Variants in EVI2A observed in about 807,000 individuals in gnomAD.
The protein encoded by EVI2A is ecotropic viral integration site 2A.
In EVI2A, 11 loss-of-function variants were observed where a neutral mutation model predicts 13.0. The ratio of observed to expected loss-of-function variants is 0.85; its 90% confidence interval spans 0.53 to 1.40. The LOEUF is 1.40. Ranked by LOEUF, EVI2A falls within the 40% of genes most tolerant of loss-of-function variation. EVI2A has a pLI of 0.00. For missense variants in EVI2A, 267 were observed against 279.5 expected (o/e 0.96, Z 0.32); for synonymous variants, 89 against 98.0 (o/e 0.91, Z 0.54).
Position 31,318,246 on chromosome 17 carries a change from A to G in EVI2A, c.*57T>C. ...GAACAACACTTTGGGATTAAATACC[A>G]ACTGACTTCATTTTTACTCCATAAG... On this transcript the variant is annotated 3_prime_UTR_variant, in exon 2 of 2. Coordinates refer to ENST00000462804, the MANE Select transcript of EVI2A (RefSeq NM_014210.4). 6.5e-7 allele frequency: 1 copy of G among 1,536,276 alleles called. No individual in the cohort carries two copies. The highest frequency in any genetic ancestry group is 1.4e-5 in the African/African-American group (1 of 72,174).
chr17:31,316,674 T>A lies in EVI2A; in HGVS notation c.*1629A>T, dbSNP rs959404410. On this transcript the variant is annotated 3_prime_UTR_variant, in exon 2 of 2. Transcript: ENST00000462804. ...GCCCAGTTTCATTTCTAATCTGGGT[T>A]ATTTTTCCCCTCAAAAGATAACCTG... 6.6e-6 allele frequency among the ~76,000 whole-genome samples: 1 copy of A among 152,214 alleles called. No homozygotes were observed. Among genetic ancestry groups the A allele is most frequent in the Non-Finnish European group, 1.5e-5 (1 of 68,032 alleles).
In EVI2A at chr17:31,318,632, C is replaced by T. The variant is rs374262411; in HGVS notation, c.382G>A (p.Glu128Lys). The T allele has an allele frequency of 2.3e-5, 37 of 1,613,948 alleles. No homozygotes were observed. The highest frequency in any genetic ancestry group is 3.1e-5 in the Non-Finnish European group (37 of 1,179,994). Reference sequence around the variant, plus strand: ...AGCATAGCCATGTTGTTGTTGTTTTCCGCACAGACATCCTTTTTGAAAATT... The same window carrying T: ...AGCATAGCCATGTTGTTGTTGTTTTTCGCACAGACATCCTTTTTGAAAATT... ...GEIFKKDVCA[E>K]NNNNMAMLIC... Residue 128 changes from glutamate (E) to lysine (K), a missense_variant, in exon 2 of 2, where the codon GAA becomes AAA. Coordinates refer to ENST00000462804, the MANE Select transcript of EVI2A (RefSeq NM_014210.4).
At chr17:31,320,799 C>G (rs2069166651) in intron 1 of EVI2A, among the ~76,000 whole-genome samples, 1 of 152,150 alleles carries the variant, frequency 6.6e-6, no homozygotes, top group Non-Finnish European at 1.5e-5. Flanking sequence ...AAAAGAAATA[C>G]TTGAAATTGG....
chr17:31,320,547 T>C, intron 1 of EVI2A: 1 of 877,216 alleles, frequency 1.1e-6, no homozygotes, highest in Middle Eastern at 2.3e-4. Context: ...ATAAGAAATG[T>C]GATACGTTGA....
Position 31,318,948 on chromosome 17 carries a change from A to C in EVI2A, c.66T>G (p.Phe22Leu). The C allele has an allele frequency of 1.2e-6, 2 of 1,613,812 alleles. No individual in the cohort carries two copies. Among genetic ancestry groups the C allele is most frequent in the Non-Finnish European group, 1.7e-6 (2 of 1,179,934 alleles). Residue 22 changes from phenylalanine to leucine, a missense_variant, in exon 2 of 2, where the codon TTT becomes TTG. Coordinates refer to ENST00000462804, the MANE Select transcript of EVI2A (RefSeq NM_014210.4). ...TTGCTTTTGTTCCAGGAGACAAAGA[A>C]AAAACTGTTGTCATCAGAAAGGCAA... ...LHLAFLMTTV[F>L]SLSPGTKANY... is the part of the protein sequence containing the mutation.
chr17:31,318,707 T>C lies in EVI2A; in HGVS notation c.307A>G (p.Ser103Gly), dbSNP rs545291486. 3.2e-5 allele frequency: 52 copies of C among 1,614,176 alleles called. No homozygotes were observed. In the South Asian group the frequency reaches 5.7e-4, roughly 18 times the overall value. ...TCAATGCTCTGTACTGTTGAAGGAC[T>C]GTTGCTGACGACAGAAGGTATATAA... is the stretch of plus-strand genomic sequence containing the variant. Reference protein sequence around the residue: ...ELYIPSVVSNSPSTVQSIENT... With the variant: ...ELYIPSVVSNGPSTVQSIENT... The change falls in exon 2 of 2, where the codon AGT (serine) becomes GGT (glycine). Residue 103 changes from serine (S) to glycine (G), a missense_variant. Coordinates refer to ENST00000462804, the MANE Select transcript of EVI2A (RefSeq NM_014210.4).
In EVI2A at chr17:31,318,471, G is replaced by T. The variant is rs201100937; in HGVS notation, c.543C>A (p.Gly181=). The T allele has an allele frequency of 1.2e-6, 2 of 1,613,950 alleles. No homozygotes were observed. The highest frequency in any genetic ancestry group is 2.2e-5 in the East Asian group (1 of 44,862). The change falls in exon 2 of 2, where the codon GGC becomes GGA. Residue 181 remains glycine (G), a synonymous_variant. Coordinates refer to ENST00000462804, the MANE Select transcript of EVI2A (RefSeq NM_014210.4). ...GCCATAGACCGCTTGCCAGAAAATC[G>T]CCATTGCTTCTAGGCTGACGCTTGC... is the stretch of plus-strand genomic sequence containing the variant. ...QVGKRQPRSN[G]DFLASGLWPA...
At chr17:31,320,566 A>G (rs1467841414) in intron 1 of EVI2A, 23 of 692,558 alleles carry the variant, frequency 3.3e-5, no homozygotes, top group African/African-American at 5.4e-5. Context: ...GAGTTATGCA[A>G]ACAAAAGTAG....
In EVI2A at chr17:31,318,751, G is replaced by C; in HGVS notation, c.263C>G (p.Ser88Cys). 2 of 1,614,026 alleles carry C rather than the reference G, an allele frequency of 1.2e-6. No individual in the cohort carries two copies. Among genetic ancestry groups the C allele is most frequent in the Non-Finnish European group, 1.7e-6 (2 of 1,179,976 alleles). ...PETSHIVALT[S>C]KSEQELYIPS... ...TATATAAAGCTCCTGTTCAGATTTA[G>C]AAGTTAAAGCTACGATGTGAGATGT... The change falls in exon 2 of 2, where the codon TCT (serine) becomes TGT (cysteine). Residue 88 changes from serine (S) to cysteine (C), a missense_variant. By Grantham distance (112) the Ser-to-Cys change is moderately radical (BLOSUM62 -1). Transcript: ENST00000462804.
chr17:31,318,737 C>T lies in EVI2A; in HGVS notation c.277G>A (p.Glu93Lys), dbSNP rs1597819760. The change falls in exon 2 of 2, where the codon GAG becomes AAG. Residue 93 changes from glutamate to lysine, a missense_variant. Physicochemically the swap from Glu to Lys is moderately conservative, Grantham distance 56 (BLOSUM62 1). Transcript: ENST00000462804. Reference sequence around the variant, plus strand: ...CTGACGACAGAAGGTATATAAAGCTCCTGTTCAGATTTAGAAGTTAAAGCT... The same window carrying T: ...CTGACGACAGAAGGTATATAAAGCTTCTGTTCAGATTTAGAAGTTAAAGCT... ...IVALTSKSEQ[E>K]LYIPSVVSNS... The T allele has an allele frequency of 6.2e-7, 1 of 1,613,954 alleles. No individual in the cohort carries two copies. The highest frequency in any genetic ancestry group is 1.1e-5 in the South Asian group (1 of 91,072).
Position 31,318,510 on chromosome 17 carries a change from TC to T in EVI2A, c.503del (p.Arg168HisfsTer5). 2 of 1,614,062 alleles carry T rather than the reference TC, an allele frequency of 1.2e-6. No individual in the cohort carries two copies. The highest frequency in any genetic ancestry group is 1.7e-6 in the Non-Finnish European group (2 of 1,180,014). On this transcript the variant is annotated frameshift_variant, in exon 2 of 2. Transcript: ENST00000462804. LOFTEE classifies it high-confidence loss of function. ...VLANKVSSLR[R>X]SKQVGKRQPR... is the part of the protein sequence containing the mutation. ...GCTGACGCTTGCCTACTTGTTTTGA[TC>T]GTCTGAGAGAAGAGACTTTGTTTGC...
At position 31,318,891 on chromosome 17, in the gene EVI2A, A is replaced by G; in HGVS notation, c.123T>C (p.Ser41=). 1 of 1,614,102 alleles carries G rather than the reference A, an allele frequency of 6.2e-7. No individual in the cohort carries two copies. Among genetic ancestry groups the G allele is most frequent in the South Asian group, 1.1e-5 (1 of 91,090 alleles). The part of the protein sequence containing the change: ...NYTRLWANST[S]SWDSVIQNKT... The stretch of plus-strand genomic sequence containing the variant: ...TGTTTTGAATAACTGAATCCCAGGA[A>G]GAAGTACTGTTAGCCCACAGACGGG... Residue 41 remains serine (S), a synonymous_variant, in exon 2 of 2, where the codon TCT becomes TCC. Coordinates refer to ENST00000462804, the MANE Select transcript of EVI2A (RefSeq NM_014210.4).
At position 31,318,640 on chromosome 17, in the gene EVI2A, A is replaced by G; in HGVS notation, c.374T>C (p.Val125Ala). 1 of 1,614,092 alleles carries G rather than the reference A, an allele frequency of 6.2e-7. No individual in the cohort carries two copies. The highest frequency in any genetic ancestry group is 8.5e-7 in the Non-Finnish European group (1 of 1,179,992). Residue 125 changes from valine (V) to alanine (A), a missense_variant, in exon 2 of 2, where the codon GTC (valine) becomes GCC (alanine). Val to Ala is a moderately conservative substitution (Grantham distance 64). Transcript: ENST00000462804. Reference sequence around the variant, plus strand: ...CATGTTGTTGTTGTTTTCCGCACAGACATCCTTTTTGAAAATTTCACCATG... The same window carrying G: ...CATGTTGTTGTTGTTTTCCGCACAGGCATCCTTTTTGAAAATTTCACCATG... ...KSHGEIFKKDVCAENNNNMAM... is the reference protein window; with the variant it reads ...KSHGEIFKKDACAENNNNMAM...
Position 31,318,903 on chromosome 17 carries a change from A to C in EVI2A, c.111T>G (p.Ala37=). The C allele has an allele frequency of 6.2e-7, 1 of 1,614,084 alleles. No homozygotes were observed. The highest frequency in any genetic ancestry group is 1.6e-4 in the Middle Eastern group (1 of 6,062). The change falls in exon 2 of 2, where the codon GCT becomes GCG. Residue 37 remains alanine (A), a synonymous_variant. Transcript: ENST00000462804. ...GTKANYTRLW[A]NSTSSWDSVI... ...CTGAATCCCAGGAAGAAGTACTGTT[A>C]GCCCACAGACGGGTATAGTTTGCTT...
rs1244145777 is a variant in EVI2A at position 31,318,391 on chromosome 17, A to G, written c.623T>C (p.Val208Ala). 5.0e-6 allele frequency: 8 copies of G among 1,613,828 alleles called. No individual in the cohort carries two copies. The highest frequency in any genetic ancestry group is 4.0e-5 in the African/African-American group (3 of 74,852). ...TGTGAGCACTCCAGTAGATTGCATC[A>G]CTAGGTTGGGTCCTGTGAGCTGTTT... ...RTKQLTGPNL[V>A]MQSTGVLTAT... The change falls in exon 2 of 2, where the codon GTG becomes GCG. Residue 208 changes from valine to alanine, a missense_variant. Coordinates refer to ENST00000462804, the MANE Select transcript of EVI2A (RefSeq NM_014210.4).
At chr17:31,320,721 A>T (rs1295769671) in intron 1 of EVI2A, among the ~76,000 whole-genome samples, 1 of 152,214 alleles carries the variant, frequency 6.6e-6, no homozygotes, top group East Asian at 1.9e-4. Context: ...GCTTTTGTAT[A>T]ATAGTGTTCA....
rs750506307 is a variant in EVI2A, at chr17:31,318,418, G to A, written c.596C>T (p.Thr199Ile). The change falls in exon 2 of 2, where the codon ACA (threonine) becomes ATA (isoleucine). Residue 199 changes from threonine (T) to isoleucine (I), a missense_variant. By Grantham distance (89) the Thr-to-Ile change is moderately conservative (BLOSUM62 -1). Transcript: ENST00000462804. ...TAGGTTGGGTCCTGTGAGCTGTTTTGTTCTTTTCCAAGTGTCTGATTCAGC... is the reference window on the plus strand; with the variant it reads ...TAGGTTGGGTCCTGTGAGCTGTTTTATTCTTTTCCAAGTGTCTGATTCAGC... ...WPAESDTWKR[T>I]KQLTGPNLVM... is the part of the protein sequence containing the mutation. 13 of 1,613,826 alleles carry A rather than the reference G, an allele frequency of 8.1e-6. No individual in the cohort carries two copies. Among genetic ancestry groups the A allele is most frequent in the Admixed American group, 1.7e-5 (1 of 59,892 alleles).
Position 31,318,784 on chromosome 17 carries a change from A to G in EVI2A, c.230T>C (p.Met77Thr), listed in dbSNP as rs995885414. The G allele has an allele frequency of 3.1e-6, 5 of 1,613,908 alleles. No homozygotes were observed. The African/African-American group carries it at 4.0e-5, about 13-fold the overall frequency. Residue 77 changes from methionine (M) to threonine (T), a missense_variant, in exon 2 of 2, where the codon ATG becomes ACG. Transcript: ENST00000462804. Reference sequence around the variant, plus strand: ...AGCTACGATGTGAGATGTTTCAGGCATGTTTGTAGAATTACCTTTATAATC... The same window carrying G: ...AGCTACGATGTGAGATGTTTCAGGCGTGTTTGTAGAATTACCTTTATAATC... ...EVDYKGNSTN[M>T]PETSHIVALT... is the part of the protein sequence containing the mutation.
intron 1 of EVI2A, chr17:31,320,866 G>C (rs756870285): frequency 7.2e-5 from 12 of 165,694 alleles, no homozygotes; most frequent in Non-Finnish European, 1.3e-4. Flanking sequence ...TTAGATGCTA[G>C]AATGATTTAA....
Sources: allele counts gnomAD v4.1 joint callset (sites outside exome capture counted in the v4.1 genomes callset), GRCh38; gene constraint gnomAD v4.1.1; transcripts MANE v1.5; gene names NCBI Gene and HGNC (gene_info 2026-07-23, HGNC 2026-07-21).